CTNNA3: variants seen among roughly 807,000 people sequenced by gnomAD.
The protein encoded by CTNNA3 is catenin alpha 3, also known as catenin alpha-3.
A neutral mutation model predicts 95.7 loss-of-function variants in CTNNA3; 76 were observed. The observed-to-expected ratio is 0.79, with a 90% CI of 0.66 to 0.96. The LOEUF (loss-of-function observed/expected upper bound fraction) is 0.96. CTNNA3 is among the 40% of genes least tolerant of loss of function. CTNNA3 has a pLI of 0.00. For missense variants in CTNNA3, 1,191 were observed against 1,089.8 expected (o/e 1.09, Z -1.31); for synonymous variants, 431 against 374.4 (o/e 1.15, Z -1.74).
chr10:67,757,455 C>T (rs2131754618), intron 1 of CTNNA3, among the ~76,000 whole-genome samples: 1 of 152,244 alleles, frequency 6.6e-6, no homozygotes, highest in South Asian at 2.1e-4. Flanking sequence ...AGTCAGTGGA[C>T]TGAGAGAGGC....
chr10:66,583,715 G>T lies in CTNNA3; in HGVS notation c.1374+37977C>A, dbSNP rs1018111762. 8.6e-5 allele frequency among the ~76,000 whole-genome samples: 13 copies of T among 151,048 alleles called. 1 individual carries two copies. Among genetic ancestry groups the T allele is most frequent in the Non-Finnish European group, 1.0e-4 (7 of 67,632 alleles). ...TGATCTTTATTATTCCTTTTCTTCT[G>T]CTAGCTTTAGGTATGTTTTTTTCTT... On this transcript the variant is annotated intron_variant, in intron 10 of 17. Transcript: ENST00000433211.
intron 7 of CTNNA3, among the ~76,000 whole-genome samples, chr10:67,147,209 T>G (rs1001713633): frequency 6.6e-6 from 1 of 152,188 alleles, no homozygotes; most frequent in Admixed American, 6.5e-5. Context: ...GAATACAACT[T>G]AAGTAGATTA....
In CTNNA3 at chr10:67,077,292, C is replaced by T. The variant is rs182880314; in HGVS notation, c.1047+103025G>A. On this transcript the variant is annotated intron_variant, in intron 7 of 17. Coordinates refer to ENST00000433211, the MANE Select transcript of CTNNA3 (RefSeq NM_013266.4). ...AATGCAAACCAGTTCTTATCACTCT[C>T]GTGCTTAAATCCTTCATTGGCTTCC... 2.7e-3 allele frequency among the ~76,000 whole-genome samples: 410 copies of T among 152,266 alleles called. 1 individual carries two copies. Among genetic ancestry groups the T allele is most frequent in the African/African-American group, 9.2e-3 (383 of 41,550 alleles).
chr10:66,576,602 C>T lies in CTNNA3; in HGVS notation c.1374+45090G>A, dbSNP rs368825352. On this transcript the variant is annotated intron_variant, in intron 10 of 17. Coordinates refer to ENST00000433211, the MANE Select transcript of CTNNA3 (RefSeq NM_013266.4). The stretch of plus-strand genomic sequence containing the variant: ...TGGAATGTGGTTGTCTGTTCCTGCA[C>T]TAGTTTGCTTAGGATAATGACCTCC... Among the ~76,000 whole-genome samples, 5 of 152,118 alleles carry T rather than the reference C, an allele frequency of 3.3e-5. No individual in the cohort carries two copies. The South Asian group carries it at 1.0e-3, about 32-fold the overall frequency.
chr10:67,618,122 C>T (rs1171852408), intron 2 of CTNNA3, among the ~76,000 whole-genome samples: 28 of 152,062 alleles, frequency 1.8e-4, no homozygotes, highest in Non-Finnish European at 4.1e-4. Context: ...GTTTATAGGA[C>T]AGTACTGATT....
At chr10:66,349,592 G>A (rs72802866) in intron 12 of CTNNA3, among the ~76,000 whole-genome samples, 9,266 of 152,060 alleles carry the variant, frequency 0.061, 453 homozygotes, top group East Asian at 0.1. Context: ...TCACAACTAC[G>A]CTAACTTTTC....
At chr10:66,914,884 C>A (rs1009133432) in intron 7 of CTNNA3, among the ~76,000 whole-genome samples, 1 of 152,086 alleles carries the variant, frequency 6.6e-6, no homozygotes, top group Non-Finnish European at 1.5e-5. Flanking sequence ...CCAGTGGTAT[C>A]ATTGCTGGAT....
chr10:67,696,126 T>A lies in CTNNA3; in HGVS notation c.-132A>T, dbSNP rs1226651856. The A allele has an allele frequency of 6.6e-6, 1 of 152,022 alleles. No homozygotes were observed. Among genetic ancestry groups the A allele is most frequent in the Non-Finnish European group, 1.5e-5 (1 of 68,012 alleles). 9.4% of individuals were successfully genotyped at this position (152,022 alleles called of 1,614,324 possible). Reference sequence around the variant, plus strand: ...GTCACAGAGTTACAGAGTACCAAATTGAGAGGCAGATGACAGTGGGGCAGT... The same window carrying A: ...GTCACAGAGTTACAGAGTACCAAATAGAGAGGCAGATGACAGTGGGGCAGT... On this transcript the variant is annotated 5_prime_UTR_variant, in exon 1 of 18. Transcript: ENST00000433211.
chr10:66,081,439 C>G (rs1236310392), intron 14 of CTNNA3, among the ~76,000 whole-genome samples: 3 of 151,736 alleles, frequency 2.0e-5, no homozygotes, highest in African/African-American at 7.3e-5. Flanking sequence ...TAGCAAGACC[C>G]CATCTGTAAT....
chr10:66,678,196 C>T (rs1324094590), intron 9 of CTNNA3, among the ~76,000 whole-genome samples: 2 of 152,072 alleles, frequency 1.3e-5, no homozygotes, highest in African/African-American at 2.4e-5. Context: ...TGAGGGAAAG[C>T]CTGTAGGACT....
intron 1 of CTNNA3, among the ~76,000 whole-genome samples, chr10:67,756,834 A>AT (rs1841436170): frequency 6.6e-6 from 1 of 152,204 alleles, no homozygotes; most frequent in Non-Finnish European, 1.5e-5. Context: ...AAAATGGTGA[A>AT]TTTTACCTCA....
chr10:67,274,451 A>G (rs189125768), intron 5 of CTNNA3, among the ~76,000 whole-genome samples: 1 of 152,296 alleles, frequency 6.6e-6, no homozygotes, highest in East Asian at 1.9e-4. Flanking sequence ...AATATTTGAA[A>G]CAATAATTGA....
rs1009157092 is a variant in CTNNA3 at position 65,920,748 on chromosome 10, C to T, written c.2401-131G>A. ...GGCTGAGGAGGGAGGATCACTTGAG[C>T]CCAGGAGGCAAAGGTTGCAGTGAGC... On this transcript the variant is annotated intron_variant, in intron 17 of 17. Coordinates refer to ENST00000433211, the MANE Select transcript of CTNNA3 (RefSeq NM_013266.4). The T allele has an allele frequency of 3.2e-5, 30 of 950,264 alleles. No homozygotes were observed. The South Asian group carries it at 4.7e-4, about 15-fold the overall frequency. The allele number at this position is 950,264 out of a possible 1,614,324, so 58.9% of individuals were successfully genotyped here.
At chr10:65,945,150 GTGTGTGTGTGTA>G (rs951926053) in intron 17 of CTNNA3, among the ~76,000 whole-genome samples, 95 of 144,728 alleles carry the variant, frequency 6.6e-4, no homozygotes, top group African/African-American at 2.7e-3. Context: ...AAATGTGTGT[GTGTGTGTGTGTA>G]TATATATATA....
At chr10:67,489,785 A>ATT (rs1379975485) in intron 5 of CTNNA3, among the ~76,000 whole-genome samples, 1 of 140,336 alleles carries the variant, frequency 7.1e-6, no homozygotes, top group African/African-American at 2.8e-5. Context: ...ATAATACATG[A>ATT]TTTTATATAT....
At chr10:66,672,677 T>A (rs930049521) in intron 9 of CTNNA3, among the ~76,000 whole-genome samples, 4 of 152,088 alleles carry the variant, frequency 2.6e-5, no homozygotes, top group Non-Finnish European at 5.9e-5. Flanking sequence ...AATTACCTCT[T>A]TACTTCCACA....
At chr10:67,435,798 A>G (rs1846280754) in intron 5 of CTNNA3, among the ~76,000 whole-genome samples, 1 of 152,100 alleles carries the variant, frequency 6.6e-6, no homozygotes, top group Non-Finnish European at 1.5e-5. Context: ...GGAAAACTAC[A>G]AAACACTGCT....
intron 13 of CTNNA3, among the ~76,000 whole-genome samples, chr10:66,182,633 A>AC (rs145057715): frequency 0.015 from 2,260 of 152,256 alleles, 23 homozygotes; most frequent in Non-Finnish European, 0.024. Flanking sequence ...ACTTCAAAAT[A>AC]CGGCATTCCA....
chr10:65,933,292 A>T (rs1316141317), intron 17 of CTNNA3, among the ~76,000 whole-genome samples: 1 of 152,196 alleles, frequency 6.6e-6, no homozygotes, highest in Admixed American at 6.5e-5. Context: ...TAATAATAAT[A>T]GTTCAAATAT....
Sources: gnomAD v4.1 joint callset for allele counts (sites outside exome capture counted in the v4.1 genomes callset) on GRCh38, gnomAD v4.1.1 for gene constraint, MANE v1.5 for transcripts, NCBI Gene and HGNC (gene_info 2026-07-23, HGNC 2026-07-21) for gene names.